CCSER1: variants seen among roughly 807,000 people sequenced by gnomAD.
CCSER1 encodes the protein serine-rich coiled-coil domain-containing protein 1.
In CCSER1, 41 loss-of-function variants were observed where a neutral mutation model predicts 82.0. The observed-to-expected ratio is 0.50, with a 90% CI of 0.39 to 0.65. The LOEUF is 0.65. Ranked by LOEUF, CCSER1 falls within the 30% of genes least tolerant of loss-of-function variation. The probability of loss-of-function intolerance (pLI) is 0.00; values close to 1 mark genes in which losing one functional copy is unlikely to be tolerated. For synonymous variants in CCSER1, 414 were observed against 383.9 expected (o/e 1.08, Z -0.92); for missense variants, 1,119 against 1,064.2 (o/e 1.05, Z -0.72).
At chr4:91,457,157 A>G (rs1029070965) in intron 10 of CCSER1, among the ~76,000 whole-genome samples, 1 of 152,094 alleles carries the variant, frequency 6.6e-6, no homozygotes, top group African/African-American at 2.4e-5. Flanking sequence ...TTATCCCACC[A>G]CATCTAAATA....
intron 5 of CCSER1, among the ~76,000 whole-genome samples, chr4:90,485,422 G>A (rs1057225755): frequency 6.6e-6 from 1 of 151,950 alleles, no homozygotes; most frequent in Admixed American, 6.6e-5. Context: ...GATGAACCTG[G>A]TACCTCACTT....
chr4:90,251,848 T>C (rs183946895), intron 1 of CCSER1, among the ~76,000 whole-genome samples: 65 of 152,032 alleles, frequency 4.3e-4, no homozygotes, highest in African/African-American at 1.6e-3. Flanking sequence ...TCTTTTATTA[T>C]TTCAAAAATA....
chr4:91,340,577 G>A (rs1163965060), intron 10 of CCSER1, among the ~76,000 whole-genome samples: 1 of 152,084 alleles, frequency 6.6e-6, no homozygotes, highest in Non-Finnish European at 1.5e-5. Context: ...CATATGAAAA[G>A]AAGAATTGCA....
At chr4:90,162,759 AT>A (rs949143368) in intron 1 of CCSER1, among the ~76,000 whole-genome samples, 2 of 151,990 alleles carry the variant, frequency 1.3e-5, no homozygotes, top group East Asian at 3.9e-4. Context: ...AAAAAAATTC[AT>A]TTTTTTCTTC....
intron 10 of CCSER1, among the ~76,000 whole-genome samples, chr4:91,405,956 A>C (rs973260800): frequency 1.3e-4 from 20 of 152,154 alleles, no homozygotes; most frequent in Non-Finnish European, 2.5e-4. Flanking sequence ...TACATTGCTC[A>C]TGCTGGGAGC....
intron 8 of CCSER1, among the ~76,000 whole-genome samples, chr4:90,901,089 T>A (rs1303835204): frequency 6.6e-6 from 1 of 152,058 alleles, no homozygotes; most frequent in Non-Finnish European, 1.5e-5. Context: ...GCCTGTTTTA[T>A]CTGATACTAA....
At chr4:91,161,122 G>T (rs893034251) in intron 10 of CCSER1, among the ~76,000 whole-genome samples, 3 of 152,018 alleles carry the variant, frequency 2.0e-5, no homozygotes, top group Non-Finnish European at 2.9e-5. Context: ...TCCACATATG[G>T]CTAACCAGTT....
intron 10 of CCSER1, among the ~76,000 whole-genome samples, chr4:91,492,435 G>A (rs755897993): frequency 1.3e-5 from 2 of 152,070 alleles, no homozygotes; most frequent in Non-Finnish European, 2.9e-5. Flanking sequence ...AATAAGCACT[G>A]CTGTCTCTTC....
At chr4:91,142,520 AATC>A (rs1356030299) in intron 10 of CCSER1, among the ~76,000 whole-genome samples, 2 of 152,156 alleles carry the variant, frequency 1.3e-5, no homozygotes, top group East Asian at 3.9e-4. Context: ...TTGAGGACTT[AATC>A]ATCAATTATT....
In CCSER1 at chr4:91,170,917, C is replaced by T. The variant is rs116562896; in HGVS notation, c.2217+84923C>T. Reference sequence around the variant, plus strand: ...ATGATCTTTATCTTCCTATGCACAACCCAGCCTCAGCACCCTTGGATGCCA... The same window carrying T: ...ATGATCTTTATCTTCCTATGCACAATCCAGCCTCAGCACCCTTGGATGCCA... On this transcript the variant is annotated intron_variant, in intron 10 of 10. Transcript: ENST00000509176. 5.8e-3 allele frequency among the ~76,000 whole-genome samples: 877 copies of T among 152,286 alleles called. 12 individuals are homozygous for T. The highest frequency in any genetic ancestry group is 0.02 in the African/African-American group (821 of 41,570).
intron 7 of CCSER1, among the ~76,000 whole-genome samples, chr4:90,729,863 G>C (rs1248596108): frequency 6.6e-6 from 1 of 152,070 alleles, no homozygotes; most frequent in Non-Finnish European, 1.5e-5. Context: ...GCTACAGACC[G>C]AGACTCCATC....
chr4:90,897,058 A>G (rs959603317), intron 8 of CCSER1, among the ~76,000 whole-genome samples: 16 of 152,076 alleles, frequency 1.1e-4, no homozygotes, highest in East Asian at 3.9e-4. Flanking sequence ...TTGTATTTCA[A>G]TTGAATTTTG....
Position 91,153,216 on chromosome 4 carries a change from C to T in CCSER1, c.2217+67222C>T, listed in dbSNP as rs528924040. 3.3e-5 allele frequency among the ~76,000 whole-genome samples: 5 copies of T among 151,972 alleles called. No homozygotes were observed. The South Asian group carries it at 1.0e-3, about 32-fold the overall frequency. On this transcript the variant is annotated intron_variant, in intron 10 of 10. Transcript: ENST00000509176. ...TAGAGGCTTTGTTCATTTCTTGTTA[C>T]TGTTTTTTCTCTAAACCTCTCTTCT...
chr4:90,305,057 C>G (rs1734000756), intron 1 of CCSER1, among the ~76,000 whole-genome samples: 1 of 151,958 alleles, frequency 6.6e-6, no homozygotes. Context: ...GCTGGGACTA[C>G]AGGCGCCCAC....
chr4:91,323,636 GCAAA>G (rs1746348776), intron 10 of CCSER1, among the ~76,000 whole-genome samples: 1 of 152,012 alleles, frequency 6.6e-6, no homozygotes, highest in African/African-American at 2.4e-5. Context: ...TTTTTCTATA[GCAAA>G]CAAAAAAGCA....
At chr4:90,938,255 A>G (rs181036040) in intron 9 of CCSER1, among the ~76,000 whole-genome samples, 14 of 152,204 alleles carry the variant, frequency 9.2e-5, no homozygotes, top group Admixed American at 7.9e-4. Context: ...GATGGTGACT[A>G]CGGGTTGCAA....
intron 10 of CCSER1, among the ~76,000 whole-genome samples, chr4:91,424,085 C>T (rs942525378): frequency 1.5e-5 from 2 of 137,026 alleles, no homozygotes; most frequent in African/African-American, 5.5e-5. Flanking sequence ...GGCGCAATCT[C>T]GGCTCACTGC....
At chr4:91,139,427 G>C (rs766625816) in intron 10 of CCSER1, among the ~76,000 whole-genome samples, 15 of 151,964 alleles carry the variant, frequency 9.9e-5, no homozygotes, top group African/African-American at 7.3e-5. Context: ...ATTTATAAAA[G>C]AATCATATTA....
chr4:91,358,035 G>A (rs567045199), intron 10 of CCSER1, among the ~76,000 whole-genome samples: 2 of 151,856 alleles, frequency 1.3e-5, no homozygotes, highest in South Asian at 4.2e-4. Flanking sequence ...TGAAAACCTT[G>A]TAAGTTTGGG....
Sources: allele counts gnomAD v4.1 joint callset (sites outside exome capture counted in the v4.1 genomes callset), GRCh38; gene constraint gnomAD v4.1.1; transcripts MANE v1.5; gene names NCBI Gene and HGNC (gene_info 2026-07-23, HGNC 2026-07-21).